SOX5: variants seen among roughly 807,000 people sequenced by gnomAD.
SOX5 encodes the protein transcription factor SOX-5.
SOX5 carries 9 observed loss-of-function variants against 92.0 expected under a neutral mutation model. That is an observed-to-expected ratio of 0.10 (90% CI 0.06 to 0.17). The LOEUF is 0.17. SOX5 is among the 10% of genes least tolerant of loss of function. The pLI, the probability that SOX5 is intolerant of heterozygous loss-of-function variation, is 1.00. For missense variants in SOX5, 642 were observed against 944.5 expected, an observed-to-expected ratio of 0.68 and a Z score of 4.20; for synonymous variants, 344 against 336.3, an observed-to-expected ratio of 1.02 and a Z score of -0.25.
At chr12:24,355,266 G>A (rs1954659023) in intron 2 of SOX5, among the ~76,000 whole-genome samples, 1 of 141,016 alleles carries the variant, frequency 7.1e-6, no homozygotes. Context: ...GTTAGCAGGT[G>A]TGGTGAGGGG....
At chr12:24,263,397 G>A (rs1163419119) in intron 3 of SOX5, among the ~76,000 whole-genome samples, 5 of 151,368 alleles carry the variant, frequency 3.3e-5, no homozygotes, top group African/African-American at 9.7e-5. Flanking sequence ...GCGTGGTGGC[G>A]GGGGCCTGTA....
rs1939368087 is a variant in SOX5 at position 23,532,813 on chromosome 12, T to C, written c.*1406A>G. ...TAAAATCATCAGTTTCATTTCCTGA[T>C]CGGGAAAGGATGGAATGTTGAAGAA... On this transcript the variant is annotated 3_prime_UTR_variant, in exon 15 of 15. Transcript: ENST00000451604. 1 of 161,188 alleles carries C rather than the reference T, an allele frequency of 6.2e-6. No individual in the cohort carries two copies. The highest frequency in any genetic ancestry group is 2.4e-5 in the African/African-American group (1 of 41,576). 10.0% of individuals were successfully genotyped at this position (161,188 alleles called of 1,614,324 possible). A position where few individuals can be genotyped will look rare whatever the true frequency, so the allele number is the denominator to read the frequency against.
At chr12:23,760,064 G>A (rs1220366447) in intron 3 of SOX5, among the ~76,000 whole-genome samples, 1 of 151,926 alleles carries the variant, frequency 6.6e-6, no homozygotes, top group Non-Finnish European at 1.5e-5. Context: ...TCCTCCTCCT[G>A]AGAGTTCATT....
intron 4 of SOX5, among the ~76,000 whole-genome samples, chr12:24,044,075 C>T (rs1472961015): frequency 6.6e-6 from 1 of 152,104 alleles, no homozygotes; most frequent in Non-Finnish European, 1.5e-5. Flanking sequence ...TGATCAATGT[C>T]TTTAAAGACT....
intron 4 of SOX5, among the ~76,000 whole-genome samples, chr12:23,749,964 A>AGT (rs563005959): frequency 0.029 from 4,401 of 151,052 alleles, 77 homozygotes; most frequent in South Asian, 0.068. Context: ...TACAAAACTG[A>AGT]GTGTGTGTGT....
intron 2 of SOX5, among the ~76,000 whole-genome samples, chr12:24,359,138 A>G (rs1955212127): frequency 6.6e-6 from 1 of 152,238 alleles, no homozygotes; most frequent in Non-Finnish European, 1.5e-5. Context: ...ATATTTCAAA[A>G]GGAAATTCTT....
intron 4 of SOX5, among the ~76,000 whole-genome samples, chr12:23,970,841 A>ATAAT: frequency 4.6e-5 from 1 of 21,878 alleles, no homozygotes; most frequent in African/African-American, 1.2e-4. Flanking sequence ...TATATATATA[A>ATAAT]TTTTTTTTTT....
chr12:24,202,523 T>TGAAA (rs1357209743), intron 4 of SOX5, among the ~76,000 whole-genome samples: 3 of 152,232 alleles, frequency 2.0e-5, no homozygotes, highest in African/African-American at 7.2e-5. Flanking sequence ...TGGCCCTCAT[T>TGAAA]GAAATATCAA....
At chr12:24,277,962 A>G (rs1291050975) in intron 2 of SOX5, among the ~76,000 whole-genome samples, 2 of 152,154 alleles carry the variant, frequency 1.3e-5, no homozygotes, top group Non-Finnish European at 2.9e-5. Context: ...CACTATCATG[A>G]GTGAATAAAA....
intron 3 of SOX5, among the ~76,000 whole-genome samples, chr12:23,845,683 T>C (rs1208449439): frequency 1.3e-5 from 2 of 152,156 alleles, no homozygotes; most frequent in Non-Finnish European, 2.9e-5. Context: ...CTGCAGATAT[T>C]TGACAAGCAG....
intron 4 of SOX5, among the ~76,000 whole-genome samples, chr12:23,961,101 T>A (rs1946877846): frequency 1.3e-5 from 2 of 152,170 alleles, no homozygotes; most frequent in African/African-American, 4.8e-5. Context: ...ATAGCTGTTT[T>A]CAGATGCCTG....
chr12:23,904,134 C>T (rs1276609639), intron 1 of SOX5, among the ~76,000 whole-genome samples: 1 of 151,944 alleles, frequency 6.6e-6, no homozygotes, highest in African/African-American at 2.4e-5. Context: ...GTGAGCATTC[C>T]ATGTAAATTT....
intron 6 of SOX5, among the ~76,000 whole-genome samples, chr12:23,685,841 C>T (rs1380961486): frequency 2.0e-5 from 3 of 152,120 alleles, no homozygotes; most frequent in Non-Finnish European, 2.9e-5. Context: ...TCAATACCAA[C>T]ATCTGATATA....
At position 24,419,891 on chromosome 12, in the gene SOX5, C is replaced by G. The variant is rs146071813; in HGVS notation, c.-250-51252G>C. ...CTCTATAGATAAGAGGCTGTAGAGA[C>G]AGTAACTTGTAGCAAATTTGATCAG... On this transcript the variant is annotated intron_variant, in intron 1 of 4. Transcript: ENST00000446891. Among the ~76,000 whole-genome samples, 6 of 152,220 alleles carry G rather than the reference C, an allele frequency of 3.9e-5. No homozygotes were observed. The East Asian group carries it at 9.7e-4, about 25-fold the overall frequency.
intron 8 of SOX5, among the ~76,000 whole-genome samples, chr12:23,608,750 A>G (rs570412740): frequency 4.6e-5 from 7 of 152,314 alleles, no homozygotes; most frequent in African/African-American, 1.7e-4. Context: ...AATGAATCAC[A>G]TGATGTGTAC....
At chr12:24,167,466 T>C (rs951094865) in intron 4 of SOX5, among the ~76,000 whole-genome samples, 6 of 152,212 alleles carry the variant, frequency 3.9e-5, no homozygotes, top group African/African-American at 1.4e-4. Context: ...GCTGAGCTGA[T>C]AAAACCTTCA....
At chr12:24,463,083 G>A (rs541032254) in intron 1 of SOX5, among the ~76,000 whole-genome samples, 7 of 152,064 alleles carry the variant, frequency 4.6e-5, no homozygotes, top group Non-Finnish European at 8.8e-5. Context: ...GCTGGGCATG[G>A]TGGTGCATTC....
intron 3 of SOX5, among the ~76,000 whole-genome samples, chr12:23,841,203 C>T (rs564755726): frequency 6.6e-6 from 1 of 151,964 alleles, no homozygotes; most frequent in Non-Finnish European, 1.5e-5. Flanking sequence ...CATATAAGCA[C>T]ACAAAAGATG....
chr12:24,229,869 A>C (rs1006793), intron 3 of SOX5, among the ~76,000 whole-genome samples: 92,888 of 152,036 alleles, frequency 0.61, 28,941 homozygotes, highest in East Asian at 0.74. Context: ...TTTCTTTTTC[A>C]TTTTTATTTT....
Sources: allele counts gnomAD v4.1 joint callset (sites outside exome capture counted in the v4.1 genomes callset), GRCh38; gene constraint gnomAD v4.1.1; transcripts MANE v1.5; gene names NCBI Gene and HGNC (gene_info 2026-07-23, HGNC 2026-07-21).